Variants in MRPL48 observed in about 807,000 individuals in gnomAD.
MRPL48 encodes large ribosomal subunit protein mL48.
In MRPL48, 16 loss-of-function variants were observed where a neutral mutation model predicts 32.9. The ratio of observed to expected loss-of-function variants is 0.49; its 90% CI spans 0.33 to 0.74. The LOEUF (loss-of-function observed/expected upper bound fraction) is 0.74. Ranked by LOEUF, MRPL48 falls within the 30% of genes least tolerant of loss-of-function variation. The pLI is 0.02. For missense variants in MRPL48, 206 were observed against 245.3 expected (o/e 0.84, Z 1.07); for synonymous variants, 94 against 89.2 (o/e 1.05, Z -0.31).
At chr11:73,798,813 A>G (rs866932126) in intron 1 of MRPL48, among the ~76,000 whole-genome samples, 4 of 151,996 alleles carry the variant, frequency 2.6e-5, no homozygotes, top group Admixed American at 6.6e-5. Flanking sequence ...AACATAGTGA[A>G]ATCACGTCTC....
chr11:73,831,498 C>T (rs1947992414), intron 4 of MRPL48, among the ~76,000 whole-genome samples: 2 of 152,150 alleles, frequency 1.3e-5, no homozygotes, highest in Admixed American at 1.3e-4. Context: ...CCATCTTGAC[C>T]TGTGGCAGTG....
chr11:73,817,469 T>C (rs1380070845), intron 3 of MRPL48, among the ~76,000 whole-genome samples: 1 of 152,216 alleles, frequency 6.6e-6, no homozygotes, highest in African/African-American at 2.4e-5. Flanking sequence ...TATACTTCTC[T>C]ATTTGAGAAT....
intron 6 of MRPL48, among the ~76,000 whole-genome samples, chr11:73,861,709 A>G (rs748009154): frequency 6.6e-6 from 1 of 152,160 alleles, no homozygotes; most frequent in Non-Finnish European, 1.5e-5. Flanking sequence ...TTATGCCCCT[A>G]TATTTTACTG....
intron 4 of MRPL48, among the ~76,000 whole-genome samples, chr11:73,826,889 G>A (rs1180331030): frequency 6.8e-6 from 1 of 146,764 alleles, no homozygotes; most frequent in African/African-American, 2.5e-5. Flanking sequence ...CGATTCTCCC[G>A]CCTCAGCCTC....
chr11:73,820,414 A>G (rs1202803432), intron 3 of MRPL48, among the ~76,000 whole-genome samples: 1 of 152,106 alleles, frequency 6.6e-6, no homozygotes, highest in African/African-American at 2.4e-5. Context: ...TAGTAGAGAC[A>G]GGGTTTCACC....
chr11:73,812,717 A>AATATATATATATATATATATATATAT (rs370608269), intron 3 of MRPL48, among the ~76,000 whole-genome samples: 6 of 135,568 alleles, frequency 4.4e-5, no homozygotes, highest in African/African-American at 1.7e-4. Flanking sequence ...CCCATGTCTA[A>AATATATATATATATATATATATATAT]ATATATATAT....
chr11:73,790,880 C>CTTTTTTT (rs71469471), intron 1 of MRPL48, among the ~76,000 whole-genome samples: 13 of 86,402 alleles, frequency 1.5e-4, no homozygotes, highest in Admixed American at 2.8e-4. Context: ...CTTTTCTGTT[C>CTTTTTTT]TTTTTTTTTT....
At position 73,789,383 on chromosome 11, in the gene MRPL48, G is replaced by C. The variant is rs564770473; in HGVS notation, c.21+1391G>C. 11 of 152,312 alleles carry C rather than the reference G, an allele frequency of 7.2e-5. No individual in the cohort carries two copies. In the South Asian group the frequency reaches 2.3e-3, roughly 32 times the overall value. 9.4% of individuals were successfully genotyped at this position (152,312 alleles called of 1,614,324 possible). A position where few individuals can be genotyped will look rare whatever the true frequency, so the allele number is the denominator to read the frequency against. On this transcript the variant is annotated intron_variant, in intron 1 of 7. Transcript: ENST00000310614. The stretch of plus-strand genomic sequence containing the variant: ...GAGCCCATGGAAATCTGTCATTAAG[G>C]CCAGCATCTGACATGGGTATATAAG...
rs1357875507 is a variant in MRPL48, at chr11:73,848,226, G to T, written c.371+3250G>T. Among the ~76,000 whole-genome samples the T allele has an allele frequency of 2.6e-5, 4 of 151,958 alleles. No homozygotes were observed. The East Asian group carries it at 7.7e-4, about 29-fold the overall frequency. On this transcript the variant is annotated intron_variant, in intron 5 of 7. Transcript: ENST00000310614. ...CAGTTGTTTCCAGCACCATTTGTTG[G>T]AAAGATTTTCTTTCTCCACTGAATT...
chr11:73,808,935 A>AAAT lies in MRPL48; in HGVS notation c.112+589_112+591dup, dbSNP rs1555078219. On this transcript the variant is annotated intron_variant, in intron 3 of 7. Coordinates refer to ENST00000310614, the MANE Select transcript of MRPL48 (RefSeq NM_016055.6). The stretch of plus-strand genomic sequence containing the variant: ...CGAGACTTCATCTCAAAAAAAAAAA[A>AAAT]AATAATGAGAAGGCTGTGCAGCATG... 8.6e-5 allele frequency among the ~76,000 whole-genome samples: 13 copies of AAAT among 151,678 alleles called. No homozygotes were observed. The East Asian group carries it at 1.6e-3, about 18-fold the overall frequency.
chr11:73,863,033 A>T, intron 6 of MRPL48, 139 bp from the exon 7 acceptor site: 1 of 726,912 alleles, frequency 1.4e-6, no homozygotes, highest in South Asian at 1.8e-5. Context: ...CCAGCTCAGA[A>T]ACCAGTTTTG....
intron 4 of MRPL48, among the ~76,000 whole-genome samples, chr11:73,844,047 C>T (rs1948240901): frequency 6.6e-6 from 1 of 151,372 alleles, no homozygotes; most frequent in Admixed American, 6.6e-5. Flanking sequence ...CCATTGCATT[C>T]CAGCCTGGGC....
chr11:73,826,193 AT>A (rs1027860910), intron 4 of MRPL48, among the ~76,000 whole-genome samples: 8 of 151,302 alleles, frequency 5.3e-5, no homozygotes, highest in African/African-American at 1.5e-4. Context: ...ATTAAAAAAA[AT>A]TTTTTTATAG....
intron 6 of MRPL48, among the ~76,000 whole-genome samples, chr11:73,862,698 T>C (rs1948604153): frequency 6.6e-6 from 1 of 152,108 alleles, no homozygotes; most frequent in East Asian, 1.9e-4. Flanking sequence ...GAAGGATTCC[T>C]TGAGGCCAGG....
intron 6 of MRPL48, among the ~76,000 whole-genome samples, chr11:73,862,857 T>C (rs1165695811): frequency 1.3e-5 from 2 of 152,152 alleles, no homozygotes; most frequent in Non-Finnish European, 2.9e-5. Flanking sequence ...AGTTCAAGGT[T>C]GCGGTGAGCT....
chr11:73,840,319 C>CT (rs1948166053), intron 4 of MRPL48, among the ~76,000 whole-genome samples: 1 of 152,028 alleles, frequency 6.6e-6, no homozygotes, highest in East Asian at 1.9e-4. Context: ...GTGGAAAAAC[C>CT]TTGTCTCTAT....
chr11:73,814,617 C>T (rs1412482095), intron 3 of MRPL48, among the ~76,000 whole-genome samples: 1 of 151,622 alleles, frequency 6.6e-6, no homozygotes, highest in African/African-American at 2.4e-5. Flanking sequence ...ATTGCTTGAA[C>T]CTGGGAGGCG....
rs550478418 is a variant in MRPL48, at chr11:73,859,950, G to A, written c.415G>A (p.Asp139Asn). The stretch of plus-strand genomic sequence containing the variant: ...AACCATAGAAGTGTTGCAGTTGCAG[G>A]ACCAAGGCAGCAAAATGCTCCTGGA... Reference protein sequence around the residue: ...TKTIEVLQLQDQGSKMLLDSV... With the variant: ...TKTIEVLQLQNQGSKMLLDSV... The change falls in exon 6 of 8, where the codon GAC (aspartate) becomes AAC (asparagine). Residue 139 changes from aspartate to asparagine, a missense_variant. By Grantham distance (23) the Asp-to-Asn change is conservative (BLOSUM62 1). Transcript: ENST00000310614. 4 of 1,613,854 alleles carry A rather than the reference G, an allele frequency of 2.5e-6. No homozygotes were observed. The highest frequency in any genetic ancestry group is 2.2e-5 in the East Asian group (1 of 44,878).
intron 5 of MRPL48, 183 bp downstream of exon 5, chr11:73,845,159 T>C: frequency 1.9e-6 from 1 of 533,726 alleles, no homozygotes; most frequent in Non-Finnish European, 3.0e-6. Context: ...GGTGCCCTGG[T>C]GTAGTCAGTC....
Sources: gnomAD v4.1 joint callset for allele counts (sites outside exome capture counted in the v4.1 genomes callset) on GRCh38, gnomAD v4.1.1 for gene constraint, MANE v1.5 for transcripts, NCBI Gene and HGNC (gene_info 2026-07-23, HGNC 2026-07-21) for gene names.